The following MCPH1 variants were observed in gnomAD, a reference collection of about 807,000 sequenced individuals.
MCPH1 encodes microcephalin 1.
Under a neutral mutation model 84.5 loss-of-function variants are expected in MCPH1, and 104 were observed. That is an observed-to-expected ratio of 1.23 (90% CI 1.05 to 1.45). The LOEUF (loss-of-function observed/expected upper bound fraction) is 1.45, where lower values mean the gene tolerates loss of function less well. Among genes scored for constraint, MCPH1 ranks in the 40% most tolerant of loss-of-function variants. MCPH1 has a pLI of 0.00. For synonymous variants in MCPH1, 514 were observed against 366.8 expected (o/e 1.40, Z -4.58); for missense variants, 1,498 against 1,005.7 (o/e 1.49, Z -6.62).
intron 12 of MCPH1, among the ~76,000 whole-genome samples, chr8:6,512,214 G>C (rs1317301771): frequency 2.0e-5 from 3 of 152,130 alleles, no homozygotes. Flanking sequence ...TCCACTGTTT[G>C]TACAGCAGGA....
At chr8:6,436,941 G>A (rs1343285275) in intron 5 of MCPH1, among the ~76,000 whole-genome samples, 2 of 152,004 alleles carry the variant, frequency 1.3e-5, no homozygotes. Flanking sequence ...CTGCACTCCA[G>A]CCTGGGCAAC....
intron 13 of MCPH1, among the ~76,000 whole-genome samples, chr8:6,637,028 A>G (rs991066648): frequency 1.3e-5 from 2 of 152,244 alleles, no homozygotes; most frequent in Non-Finnish European, 2.9e-5. Flanking sequence ...CAGAGCAGAA[A>G]GAATATGTTG....
chr8:6,570,726 A>C (rs1334219040), intron 12 of MCPH1, among the ~76,000 whole-genome samples: 2 of 151,660 alleles, frequency 1.3e-5, no homozygotes, highest in African/African-American at 4.8e-5. Flanking sequence ...AAAAAGTTCC[A>C]AGTACTCATT....
intron 2 of MCPH1, among the ~76,000 whole-genome samples, chr8:6,412,087 G>C (rs1053780931): frequency 1.3e-5 from 2 of 152,156 alleles, no homozygotes; most frequent in African/African-American, 4.8e-5. Flanking sequence ...CAAAGAGTGG[G>C]TGCTACTGAA....
At chr8:6,637,276 A>G (rs1797624469) in intron 13 of MCPH1, among the ~76,000 whole-genome samples, 1 of 152,186 alleles carries the variant, frequency 6.6e-6, no homozygotes, top group Non-Finnish European at 1.5e-5. Context: ...TGGTAAATGC[A>G]ATGAAGAAAA....
chr8:6,413,705 G>A (rs1482691788), intron 2 of MCPH1, among the ~76,000 whole-genome samples: 2 of 149,814 alleles, frequency 1.3e-5, no homozygotes, highest in African/African-American at 4.9e-5. Flanking sequence ...AGCTCTTTAG[G>A]ATCCTATTAA....
At chr8:6,573,938 A>C (rs568874191) in intron 12 of MCPH1, among the ~76,000 whole-genome samples, 1 of 152,230 alleles carries the variant, frequency 6.6e-6, no homozygotes, top group Non-Finnish European at 1.5e-5. Flanking sequence ...TTATTCCCCT[A>C]GGTTTGTGGA....
chr8:6,595,893 A>G (rs1828891334), intron 12 of MCPH1, among the ~76,000 whole-genome samples: 1 of 152,232 alleles, frequency 6.6e-6, no homozygotes, highest in Non-Finnish European at 1.5e-5. Flanking sequence ...TTAGGGTGCA[A>G]CCATTTGTTT....
At chr8:6,467,560 A>T (rs759935178) in intron 9 of MCPH1, among the ~76,000 whole-genome samples, 18 of 152,118 alleles carry the variant, frequency 1.2e-4, no homozygotes, top group Non-Finnish European at 2.4e-4. Context: ...AGTAGGAATG[A>T]AACAGTTTAC....
At chr8:6,481,324 A>T (rs558241155) in intron 11 of MCPH1, among the ~76,000 whole-genome samples, 2 of 152,312 alleles carry the variant, frequency 1.3e-5, no homozygotes, top group South Asian at 4.1e-4. Flanking sequence ...TCCCATTTGG[A>T]TAGGTTTTAT....
intron 4 of MCPH1, among the ~76,000 whole-genome samples, chr8:6,435,786 A>G (rs1291481395): frequency 1.3e-5 from 2 of 152,216 alleles, no homozygotes; most frequent in Admixed American, 6.5e-5. Context: ...CTTTCATGGA[A>G]ACTAAGAATG....
At chr8:6,617,869 G>C (rs1333728263) in intron 12 of MCPH1, among the ~76,000 whole-genome samples, 1 of 144,188 alleles carries the variant, frequency 6.9e-6, no homozygotes, top group Admixed American at 6.9e-5. Flanking sequence ...CTGTCTGTCT[G>C]TCTATCATCC....
chr8:6,584,707 A>G (rs768708930), intron 12 of MCPH1, among the ~76,000 whole-genome samples: 4 of 152,262 alleles, frequency 2.6e-5, no homozygotes, highest in Non-Finnish European at 5.9e-5. Context: ...GTGACTTTTC[A>G]TAGTGACTCT....
At chr8:6,430,731 A>G (rs545727875) in intron 3 of MCPH1, among the ~76,000 whole-genome samples, 1 of 152,214 alleles carries the variant, frequency 6.6e-6, no homozygotes, top group East Asian at 1.9e-4. Flanking sequence ...TAAACAGCAG[A>G]TGAGTGAGAA....
intron 12 of MCPH1, among the ~76,000 whole-genome samples, chr8:6,597,741 A>G (rs1829039515): frequency 6.6e-6 from 1 of 152,060 alleles, no homozygotes; most frequent in Non-Finnish European, 1.5e-5. Flanking sequence ...TGCTTTTCTC[A>G]TCCTCACACC....
chr8:6,499,731 C>T (rs1374114113), intron 11 of MCPH1, 121 bp from the exon 12 acceptor site: 1 of 795,998 alleles, frequency 1.3e-6, no homozygotes, highest in Non-Finnish European at 2.2e-6. Context: ...TGTCTGAGAA[C>T]ACATCTATTT....
intron 12 of MCPH1, among the ~76,000 whole-genome samples, chr8:6,575,399 C>A (rs1033163183): frequency 6.6e-6 from 1 of 152,160 alleles, no homozygotes. Flanking sequence ...TTCTGCAGAT[C>A]ATGGCATGTT....
chr8:6,472,687 C>T (rs1807902708), intron 9 of MCPH1, among the ~76,000 whole-genome samples: 1 of 152,044 alleles, frequency 6.6e-6, no homozygotes, highest in South Asian at 2.1e-4. Context: ...AGGCTGGTCT[C>T]GAACTCCTGA....
intron 2 of MCPH1, among the ~76,000 whole-genome samples, chr8:6,413,489 C>T (rs1482230340): frequency 6.6e-6 from 1 of 151,418 alleles, no homozygotes; most frequent in Non-Finnish European, 1.5e-5. Context: ...AATATTTTCT[C>T]CATTTTGTGT....
Sources: allele counts gnomAD v4.1 joint callset (sites outside exome capture counted in the v4.1 genomes callset), GRCh38; gene constraint gnomAD v4.1.1; transcripts MANE v1.5; gene names NCBI Gene and HGNC (gene_info 2026-07-23, HGNC 2026-07-21).